Variants in RNF19A observed in about 807,000 individuals in gnomAD.
The protein encoded by RNF19A is ring finger protein 19A, RBR E3 ubiquitin protein ligase, also known as E3 ubiquitin-protein ligase RNF19A.
In RNF19A, 32 loss-of-function variants were observed where a neutral mutation model predicts 75.7. That is an observed-to-expected ratio of 0.42 (90% CI 0.32 to 0.57). RNF19A has a LOEUF of 0.57. RNF19A is among the 20% of genes least tolerant of loss of function. The probability of loss-of-function intolerance (pLI) is 0.10; values close to 1 mark genes in which losing one functional copy is unlikely to be tolerated. For missense variants in RNF19A, 782 were observed against 1,036.3 expected (o/e 0.75, Z 3.37); for synonymous variants, 335 against 345.2 (o/e 0.97, Z 0.33).
rs1453001207 is a variant in RNF19A at position 100,264,295 on chromosome 8, A to G, written c.1307-100T>C. 1 of 1,042,592 alleles carries G rather than the reference A, an allele frequency of 9.6e-7. No homozygotes were observed. The allele number at this position is 1,042,592 out of a possible 1,614,324, so 64.6% of individuals were successfully genotyped here. On this transcript the variant is annotated intron_variant, in intron 6 of 9. Transcript: ENST00000341084. The surrounding 1 kb of genome is among the most constrained non-coding windows in gnomAD (Gnocchi z 4.7). Reference sequence around the variant, plus strand: ...CTTTTCAAGAGAGTCATACAGAGAAAAGCGCCAGGGTTCTGAAGAGTTGGC... The same window carrying G: ...CTTTTCAAGAGAGTCATACAGAGAAGAGCGCCAGGGTTCTGAAGAGTTGGC...
At position 100,332,830 on chromosome 8, in the gene RNF19A, A is replaced by G. The variant is rs1003362930; in HGVS notation, c.-243+3278T>C. On this transcript the variant is annotated intron_variant, in intron 1 of 3. Transcript: ENST00000519527. This position sits in a 1 kb window ranked among gnomAD's most constrained non-coding sequence, Gnocchi z 4.8. Reference sequence around the variant, plus strand: ...GTTCATGTCCTTTGCCCATTTTCCTATTAGGATGTTGACCATTATTGATTG... The same window carrying G: ...GTTCATGTCCTTTGCCCATTTTCCTGTTAGGATGTTGACCATTATTGATTG... Among the ~76,000 whole-genome samples, 2 of 152,036 alleles carry G rather than the reference A, an allele frequency of 1.3e-5. No individual in the cohort carries two copies. Among genetic ancestry groups the G allele is most frequent in the Admixed American group, 6.6e-5 (1 of 15,264 alleles).
chr8:100,298,731 T>C (rs748043652), intron 1 of RNF19A, among the ~76,000 whole-genome samples: 28 of 152,218 alleles, frequency 1.8e-4, no homozygotes, highest in Non-Finnish European at 1.2e-4. Context: ...GTGGTTTTAA[T>C]AATACTCATT....
rs1251738783 is a variant in RNF19A at position 100,257,882 on chromosome 8, C to G, written c.*674G>C. 5.0e-6 allele frequency: 2 copies of G among 396,748 alleles called. No individual in the cohort carries two copies. The highest frequency in any genetic ancestry group is 4.1e-5 in the African/African-American group (2 of 48,516). 24.6% of individuals were successfully genotyped at this position (396,748 alleles called of 1,614,324 possible). A position where few individuals can be genotyped will look rare whatever the true frequency, so the allele number is the denominator to read the frequency against. On this transcript the variant is annotated 3_prime_UTR_variant, in exon 10 of 10. Transcript: ENST00000341084. The stretch of plus-strand genomic sequence containing the variant: ...TTTGTTGCTGTCATATGCTTAATTA[C>G]TTACCTTTACATTTTTTCCTCTAAG...
At chr8:100,273,794 AT>A (rs1232994109) in intron 3 of RNF19A, among the ~76,000 whole-genome samples, 1 of 151,842 alleles carries the variant, frequency 6.6e-6, no homozygotes, top group Admixed American at 6.6e-5. Flanking sequence ...CATCATTATT[AT>A]TTTTTGAGAT....
chr8:100,294,727 T>C (rs1821474077), intron 1 of RNF19A, among the ~76,000 whole-genome samples: 1 of 152,136 alleles, frequency 6.6e-6, no homozygotes, highest in Non-Finnish European at 1.5e-5. Context: ...GATATCTTCA[T>C]CTAGGCTTTG....
intron 1 of RNF19A, among the ~76,000 whole-genome samples, chr8:100,289,392 G>A (rs1264892536): frequency 6.6e-6 from 1 of 152,158 alleles, no homozygotes; most frequent in Non-Finnish European, 1.5e-5. Flanking sequence ...CAGTATTAAG[G>A]GTATGGGAGG....
At chr8:100,314,189 C>T (rs890810493), upstream of RNF19A, among the ~76,000 whole-genome samples, 9 of 151,916 alleles carry the variant, frequency 5.9e-5, no homozygotes, top group African/African-American at 1.5e-4. This position sits in a 1 kb window ranked among gnomAD's most constrained non-coding sequence, Gnocchi z 4.1. Context: ...CCGAGAACTA[C>T]TCTTTATTGC....
chr8:100,259,515 A>G lies in RNF19A; in HGVS notation c.1827-269T>C, dbSNP rs971093994. The stretch of plus-strand genomic sequence containing the variant: ...TTTTAAAGAACAGCTTTATTCAGAT[A>G]CAATTCCCCTGTTTAAAGTGTACAA... On this transcript the variant is annotated intron_variant, in intron 9 of 9. Transcript: ENST00000341084. The surrounding 1 kb of genome is among the most constrained non-coding windows in gnomAD (Gnocchi z 4.5). Among the ~76,000 whole-genome samples, 1 of 152,192 alleles carries G rather than the reference A, an allele frequency of 6.6e-6. No homozygotes were observed. The highest frequency in any genetic ancestry group is 2.4e-5 in the African/African-American group (1 of 41,448).
At chr8:100,262,904 G>A (rs893118888) in intron 7 of RNF19A, among the ~76,000 whole-genome samples, 3 of 152,108 alleles carry the variant, frequency 2.0e-5, no homozygotes, top group Non-Finnish European at 4.4e-5. Flanking sequence ...GGGAAAAGAG[G>A]GAGGCATTGT....
intron 2 of RNF19A, among the ~76,000 whole-genome samples, chr8:100,277,313 TCA>T (rs1429744158): frequency 6.6e-6 from 1 of 152,172 alleles, no homozygotes; most frequent in Non-Finnish European, 1.5e-5. Flanking sequence ...TCCCTTAGTA[TCA>T]CACTCTTTTT....
chr8:100,301,894 C>A (rs933242825), intron 1 of RNF19A, among the ~76,000 whole-genome samples: 5 of 151,556 alleles, frequency 3.3e-5, no homozygotes, highest in African/African-American at 1.2e-4. Context: ...TTAGCAGAGA[C>A]CTGAAGGAGG....
rs1822393810 is a variant in RNF19A, at chr8:100,317,114, C to A, written c.-242-3742G>T. ...CGCCCACGCCCACCCGGAACTCCAGCTGGCCCGCAAGCGCCGCACGCAGCC... is the reference window on the plus strand; with the variant it reads ...CGCCCACGCCCACCCGGAACTCCAGATGGCCCGCAAGCGCCGCACGCAGCC... On this transcript the variant is annotated intron_variant, in intron 1 of 3. Coordinates refer to the RNF19A transcript ENST00000519527. This position sits in a 1 kb window ranked among gnomAD's most constrained non-coding sequence, Gnocchi z 4.3. 6.6e-6 allele frequency among the ~76,000 whole-genome samples: 1 copy of A among 152,250 alleles called. No individual in the cohort carries two copies. The highest frequency in any genetic ancestry group is 2.4e-5 in the African/African-American group (1 of 41,468).
rs1369808991 is a variant in RNF19A, at chr8:100,329,406, G to A, written c.-243+6702C>T. Among the ~76,000 whole-genome samples, 4 of 152,060 alleles carry A rather than the reference G, an allele frequency of 2.6e-5. No homozygotes were observed. In the East Asian group the frequency reaches 7.7e-4, roughly 29 times the overall value. On this transcript the variant is annotated intron_variant, in intron 1 of 3. Coordinates refer to the RNF19A transcript ENST00000519527. The surrounding 1 kb of genome is among the most constrained non-coding windows in gnomAD (Gnocchi z 4.3). The stretch of plus-strand genomic sequence containing the variant: ...TTTAATGTTCACAAGCTCAAAATGA[G>A]TGAGTTGTGATACAGTGCTGCAAAA...
In RNF19A at chr8:100,261,748, T is replaced by C; in HGVS notation, c.1476A>G (p.Thr492=). 1 of 1,614,078 alleles carries C rather than the reference T, an allele frequency of 6.2e-7. No homozygotes were observed. The highest frequency in any genetic ancestry group is 1.1e-5 in the South Asian group (1 of 91,078). ...VGGTNTAVDT[T]SVAEARHNPS... The stretch of plus-strand genomic sequence containing the variant: ...GGTTGTGTCTTGCTTCTGCTACTGA[T>C]GTTGTGTCTAAATGCAAATATTCCA... Residue 492 remains threonine, a synonymous_variant, in exon 8 of 10, where the codon ACA becomes ACG. Transcript: ENST00000341084. This position sits in a 1 kb window ranked among gnomAD's most constrained non-coding sequence, Gnocchi z 4.4.
chr8:100,288,162 C>G lies in RNF19A; in HGVS notation c.13G>C (p.Glu5Gln). 6.2e-7 allele frequency: 1 copy of G among 1,602,292 alleles called. No homozygotes were observed. Among genetic ancestry groups the G allele is most frequent in the Non-Finnish European group, 8.5e-7 (1 of 1,173,744 alleles). MQEQ[E>Q]IGFISKYNEG... is the part of the protein sequence containing the mutation. ...TTATATTTAGAGATAAAACCTATTT[C>G]TTGTTCTTGCATTCACATTAAGTCA... Residue 5 changes from glutamate to glutamine, a missense_variant, in exon 2 of 10, where the codon GAA becomes CAA. Transcript: ENST00000341084.
chr8:100,315,546 T>C (rs994816240), intron 1 of RNF19A, among the ~76,000 whole-genome samples: 3 of 152,220 alleles, frequency 2.0e-5, no homozygotes, highest in African/African-American at 7.2e-5. Flanking sequence ...TGCTACTTCT[T>C]GACTCTCCTC....
rs769143990 is a variant in RNF19A, at chr8:100,325,610, G to A, written c.-243+10498C>T. Among the ~76,000 whole-genome samples the A allele has an allele frequency of 3.3e-5, 5 of 152,092 alleles. No homozygotes were observed. The highest frequency in any genetic ancestry group is 5.9e-5 in the Non-Finnish European group (4 of 68,024). Reference sequence around the variant, plus strand: ...CCTACGCCCTGGGTCCTCAAGCCCAGCCTATATTTGCCATATCTTGGCCCC... The same window carrying A: ...CCTACGCCCTGGGTCCTCAAGCCCAACCTATATTTGCCATATCTTGGCCCC... On this transcript the variant is annotated intron_variant, in intron 1 of 3. Transcript: ENST00000519527. This position sits in a 1 kb window ranked among gnomAD's most constrained non-coding sequence, Gnocchi z 4.3.
At chr8:100,312,659 C>T (rs1004808507), upstream of RNF19A, among the ~76,000 whole-genome samples, 12 of 152,270 alleles carry the variant, frequency 7.9e-5, no homozygotes, top group East Asian at 2.1e-3. Flanking sequence ...CGCAGTGGCT[C>T]ACGCCTGTAA....
At chr8:100,320,003 T>C (rs1416207941) in intron 1 of RNF19A, among the ~76,000 whole-genome samples, 1 of 150,178 alleles carries the variant, frequency 6.7e-6, no homozygotes, top group African/African-American at 2.5e-5. Flanking sequence ...GCCTGGCTAA[T>C]TTTTGTATTT....
Sources: allele counts gnomAD v4.1 joint callset (sites outside exome capture counted in the v4.1 genomes callset), GRCh38; gene constraint gnomAD v4.1.1; non-coding constraint Gnocchi (gnomAD v3.1); transcripts MANE v1.5; gene names NCBI Gene and HGNC (gene_info 2026-07-23, HGNC 2026-07-21).